MGAT3: variants seen among roughly 807,000 people sequenced by gnomAD.
The protein encoded by MGAT3 is beta-1,4-mannosyl-glycoprotein 4-beta-N-acetylglucosaminyltransferase.
Under a neutral mutation model 29.8 loss-of-function variants are expected in MGAT3, and 9 were observed. The ratio of observed to expected loss-of-function variants is 0.30; its 90% confidence interval spans 0.18 to 0.53. The LOEUF (loss-of-function observed/expected upper bound fraction) is 0.53, where lower values mean the gene tolerates loss of function less well. MGAT3 is among the 20% of genes least tolerant of loss of function. MGAT3 has a pLI of 0.96. For missense variants in MGAT3, 557 were observed against 769.5 expected (o/e 0.72, Z 3.27); for synonymous variants, 397 against 348.9 (o/e 1.14, Z -1.54).
rs565130016 is a variant in MGAT3, at chr22:39,491,834, G to T, written c.*2885G>T. On this transcript the variant is annotated 3_prime_UTR_variant, in exon 2 of 2. Transcript: ENST00000341184. This position sits in a 1 kb window ranked among gnomAD's most constrained non-coding sequence, Gnocchi z 5.5. ...TGTCCCATGTCCACCTTTCTCCCCG[G>T]GAATAACTGGCCCTGAGACCCCTAG... 6.0e-6 allele frequency: 1 copy of T among 166,984 alleles called. No individual in the cohort carries two copies. The highest frequency in any genetic ancestry group is 1.5e-5 in the Non-Finnish European group (1 of 68,098). The allele number at this position is 166,984 out of a possible 1,614,324, so 10.3% of individuals were successfully genotyped here.
intron 1 of MGAT3, among the ~76,000 whole-genome samples, chr22:39,461,253 A>T (rs766730381): frequency 5.9e-5 from 9 of 152,294 alleles, no homozygotes; most frequent in Non-Finnish European, 1.3e-4. Context: ...GGAGGAAAGG[A>T]TGCAGAGAGT....
rs1328089528 is a variant in MGAT3, at chr22:39,457,985, C to G, written c.-2+428C>G. Reference sequence around the variant, plus strand: ...GCCTCCGCGCCCGCCTTCCCCACCCCCGACCCCAGACTGCGGCGGCGGCAG... The same window carrying G: ...GCCTCCGCGCCCGCCTTCCCCACCCGCGACCCCAGACTGCGGCGGCGGCAG... On this transcript the variant is annotated intron_variant, in intron 1 of 1. Coordinates refer to ENST00000341184, the MANE Select transcript of MGAT3 (RefSeq NM_002409.5). This position sits in a 1 kb window ranked among gnomAD's most constrained non-coding sequence, Gnocchi z 6.8. Among the ~76,000 whole-genome samples the G allele has an allele frequency of 6.6e-6, 1 of 152,024 alleles. No homozygotes were observed. Among genetic ancestry groups the G allele is most frequent in the Non-Finnish European group, 1.5e-5 (1 of 67,970 alleles).
chr22:39,480,738 A>G (rs1601727057), intron 1 of MGAT3, among the ~76,000 whole-genome samples: 2 of 152,218 alleles, frequency 1.3e-5, no homozygotes, highest in African/African-American at 2.4e-5. Flanking sequence ...GGCCCTGCAG[A>G]GACAGATGCT....
At chr22:39,463,843 A>T (rs1021521961) in intron 1 of MGAT3, among the ~76,000 whole-genome samples, 2 of 152,008 alleles carry the variant, frequency 1.3e-5, no homozygotes, top group African/African-American at 4.8e-5. Context: ...TGAGCCCAGG[A>T]GGTCAAGGCT....
chr22:39,463,087 G>T (rs1928541787), intron 1 of MGAT3, among the ~76,000 whole-genome samples: 1 of 152,310 alleles, frequency 6.6e-6, no homozygotes, highest in East Asian at 1.9e-4. Context: ...CAGGCCTGGT[G>T]GTGGATGGCT....
At chr22:39,464,436 A>G (rs937135918) in intron 1 of MGAT3, among the ~76,000 whole-genome samples, 1 of 151,254 alleles carries the variant, frequency 6.6e-6, no homozygotes, top group Non-Finnish European at 1.5e-5. Flanking sequence ...TTTGATGCAT[A>G]TTTCTTGTCT....
At position 39,490,390 on chromosome 22, in the gene MGAT3, AGC is replaced by A. The variant is rs1215575992; in HGVS notation, c.*1443_*1444del. Reference sequence around the variant, plus strand: ...AGGGAACCTGGGAAGTGTAGTCTTCAGCGGGGCCGCCATGTGCCTGGCCTCAC... The same window carrying A: ...AGGGAACCTGGGAAGTGTAGTCTTCAGGGGCCGCCATGTGCCTGGCCTCAC... On this transcript the variant is annotated 3_prime_UTR_variant, in exon 2 of 2. Transcript: ENST00000341184. 1 of 167,034 alleles carries A rather than the reference AGC, an allele frequency of 6.0e-6. No homozygotes were observed. The allele number at this position is 167,034 out of a possible 1,614,324, so 10.3% of individuals were successfully genotyped here.
At chr22:39,458,206 A>G (rs1928395964) in intron 1 of MGAT3, among the ~76,000 whole-genome samples, 1 of 152,116 alleles carries the variant, frequency 6.6e-6, no homozygotes, top group Non-Finnish European at 1.5e-5. Context: ...ATATCTGCAA[A>G]TAGTGAGTTC....
At chr22:39,458,663 AAG>A (rs1928412105) in intron 1 of MGAT3, among the ~76,000 whole-genome samples, 1 of 152,106 alleles carries the variant, frequency 6.6e-6, no homozygotes, top group African/African-American at 2.4e-5. Flanking sequence ...GCCCAGGAGG[AAG>A]AGAGAGGTTA....
rs1433116741 is a variant in MGAT3, at chr22:39,487,545, C to A, written c.198C>A (p.Gly66=). ...CCCAGGCCAGCCCCGAGCCAGGAGGCCCTGACCTGCTGCGTACCCCACTCT... is the reference window on the plus strand; with the variant it reads ...CCCAGGCCAGCCCCGAGCCAGGAGGACCTGACCTGCTGCGTACCCCACTCT... The part of the protein sequence containing the change: ...VTPQASPEPG[G]PDLLRTPLYS... Residue 66 remains glycine (G), a synonymous_variant, in exon 2 of 2, where the codon GGC becomes GGA. Coordinates refer to ENST00000341184, the MANE Select transcript of MGAT3 (RefSeq NM_002409.5). This position sits in a 1 kb window ranked among gnomAD's most constrained non-coding sequence, Gnocchi z 5.7. 2 of 1,613,004 alleles carry A rather than the reference C, an allele frequency of 1.2e-6. No individual in the cohort carries two copies. The highest frequency in any genetic ancestry group is 1.7e-5 in the Admixed American group (1 of 60,026).
chr22:39,464,753 AT>A (rs1036489882), intron 1 of MGAT3, among the ~76,000 whole-genome samples: 3 of 135,364 alleles, frequency 2.2e-5, no homozygotes, highest in Admixed American at 7.6e-5. Context: ...ATACATATTT[AT>A]TTTTTTTTCT....
chr22:39,467,589 T>C (rs1193160318), intron 1 of MGAT3, among the ~76,000 whole-genome samples: 1 of 152,168 alleles, frequency 6.6e-6, no homozygotes, highest in African/African-American at 2.4e-5. Context: ...AGGAGACACA[T>C]GGACACGACA....
chr22:39,484,415 C>G (rs995594547), intron 1 of MGAT3, among the ~76,000 whole-genome samples: 1 of 152,050 alleles, frequency 6.6e-6, no homozygotes, highest in Admixed American at 6.5e-5. Context: ...CTCTGTTGCC[C>G]AGGTTGGAGT....
intron 1 of MGAT3, among the ~76,000 whole-genome samples, chr22:39,481,377 G>A (rs1208442152): frequency 1.3e-5 from 2 of 152,218 alleles, no homozygotes; most frequent in Non-Finnish European, 2.9e-5. Context: ...GCCTCTTTGG[G>A]CGCGCAGTTT....
intron 1 of MGAT3, among the ~76,000 whole-genome samples, chr22:39,473,723 A>G (rs1239195956): frequency 2.1e-5 from 3 of 142,228 alleles, no homozygotes; most frequent in African/African-American, 8.0e-5. Context: ...AAACTCCCCA[A>G]GGAGGTGGTG....
intron 1 of MGAT3, among the ~76,000 whole-genome samples, chr22:39,481,551 G>T (rs11704159): frequency 0.017 from 2,652 of 152,326 alleles, 33 homozygotes; most frequent in African/African-American, 0.025. Context: ...GTTGCTGAGT[G>T]AATGAGTGAC....
Position 39,487,894 on chromosome 22 carries a change from G to A in MGAT3, c.547G>A (p.Gly183Ser). ...GCCCGGCTGGCACGGACCCAGCTGCGGCGTGCCCACTGTGGTGCAGTACTC... is the reference window on the plus strand; with the variant it reads ...GCCCGGCTGGCACGGACCCAGCTGCAGCGTGCCCACTGTGGTGCAGTACTC... ...CLPGWHGPSC[G>S]VPTVVQYSNL... Residue 183 changes from glycine to serine, a missense_variant, in exon 2 of 2, where the codon GGC (glycine) becomes AGC (serine). By Grantham distance (56) the Gly-to-Ser change is moderately conservative. Coordinates refer to ENST00000341184, the MANE Select transcript of MGAT3 (RefSeq NM_002409.5). This position sits in a 1 kb window ranked among gnomAD's most constrained non-coding sequence, Gnocchi z 5.7. 2 of 1,582,774 alleles carry A rather than the reference G, an allele frequency of 1.3e-6. No individual in the cohort carries two copies. The highest frequency in any genetic ancestry group is 1.1e-5 in the South Asian group (1 of 87,716).
Position 39,487,659 on chromosome 22 carries a change from C to A in MGAT3, c.312C>A (p.Thr104=). ...TGGACTTGGTGCTGCCCGAGGACAC[C>A]ACCGAGTATTTCGTGCGCACCAAGG... ...HRVDLVLPED[T]TEYFVRTKAG... The change falls in exon 2 of 2, where the codon ACC becomes ACA. Residue 104 remains threonine (T), a synonymous_variant. Coordinates refer to ENST00000341184, the MANE Select transcript of MGAT3 (RefSeq NM_002409.5). This position sits in a 1 kb window ranked among gnomAD's most constrained non-coding sequence, Gnocchi z 5.7. 1 of 1,609,308 alleles carries A rather than the reference C, an allele frequency of 6.2e-7. No individual in the cohort carries two copies. Among genetic ancestry groups the A allele is most frequent in the Non-Finnish European group, 8.5e-7 (1 of 1,177,920 alleles).
At position 39,487,241 on chromosome 22, in the gene MGAT3, C is replaced by A; in HGVS notation, c.-1-106C>A. 1 of 1,214,298 alleles carries A rather than the reference C, an allele frequency of 8.2e-7. No homozygotes were observed. Among genetic ancestry groups the A allele is most frequent in the Non-Finnish European group, 1.2e-6 (1 of 868,376 alleles). 75.2% of individuals were successfully genotyped at this position (1,214,298 alleles called of 1,614,324 possible). A position where few individuals can be genotyped will look rare whatever the true frequency, so the allele number is the denominator to read the frequency against. Reference sequence around the variant, plus strand: ...TCCATGCAGGGGCAGCAGGTGCTGGCCACCACATTGTCCAGCAAGGTGGCA... The same window carrying A: ...TCCATGCAGGGGCAGCAGGTGCTGGACACCACATTGTCCAGCAAGGTGGCA... On this transcript the variant is annotated intron_variant, in intron 1 of 1. Transcript: ENST00000341184. The surrounding 1 kb of genome is among the most constrained non-coding windows in gnomAD (Gnocchi z 5.7).
Sources: allele counts gnomAD v4.1 joint callset (sites outside exome capture counted in the v4.1 genomes callset), GRCh38; gene constraint gnomAD v4.1.1; non-coding constraint Gnocchi (gnomAD v3.1); transcripts MANE v1.5; gene names NCBI Gene and HGNC (gene_info 2026-07-23, HGNC 2026-07-21).